Variants in CACNB2 observed in about 807,000 individuals in gnomAD.
The protein encoded by CACNB2 is calcium voltage-gated channel auxiliary subunit beta 2.
A neutral mutation model predicts 73.3 loss-of-function variants in CACNB2; 42 were observed. The ratio of observed to expected loss-of-function variants is 0.57; its 90% CI spans 0.45 to 0.74. The LOEUF (loss-of-function observed/expected upper bound fraction) is 0.74. CACNB2 is among the 30% of genes least tolerant of loss of function. The probability of loss-of-function intolerance (pLI) is 0.00; values close to 1 mark genes in which losing one functional copy is unlikely to be tolerated. For synonymous variants in CACNB2, 348 were observed against 310.3 expected (o/e 1.12, Z -1.28); for missense variants, 940 against 853.0 (o/e 1.10, Z -1.27).
intron 2 of CACNB2, among the ~76,000 whole-genome samples, chr10:18,266,065 G>A (rs567928148): frequency 5.5e-4 from 83 of 152,250 alleles, no homozygotes; most frequent in African/African-American, 1.9e-3. Flanking sequence ...TATATATACC[G>A]TAACTTAAGC....
intron 2 of CACNB2, among the ~76,000 whole-genome samples, chr10:18,185,513 G>T (rs571064772): frequency 6.6e-6 from 1 of 152,320 alleles, no homozygotes; most frequent in East Asian, 1.9e-4. Flanking sequence ...CCCTGGAAAT[G>T]TTGAAAGGAA....
intron 7 of CACNB2, among the ~76,000 whole-genome samples, chr10:18,515,753 CAG>C (rs1476188288): frequency 5.3e-5 from 8 of 152,178 alleles, no homozygotes; most frequent in Admixed American, 2.0e-4. Context: ...AAGTGACTAA[CAG>C]TGTCTATCAT....
chr10:18,523,878 G>A (rs1313418709), intron 9 of CACNB2, among the ~76,000 whole-genome samples: 1 of 152,126 alleles, frequency 6.6e-6, no homozygotes, highest in Non-Finnish European at 1.5e-5. Context: ...AATATGAAAG[G>A]AAATGTTAGT....
At chr10:18,394,535 A>G (rs1386074364) in intron 2 of CACNB2, among the ~76,000 whole-genome samples, 4 of 152,118 alleles carry the variant, frequency 2.6e-5, no homozygotes, top group Non-Finnish European at 5.9e-5. Flanking sequence ...TGTGGATCCA[A>G]TTTGTTATAT....
At chr10:18,496,883 C>G (rs1009998160) in intron 3 of CACNB2, among the ~76,000 whole-genome samples, 4 of 134,616 alleles carry the variant, frequency 3.0e-5, no homozygotes, top group Non-Finnish European at 6.4e-5. Context: ...ACATGAAAAA[C>G]TATGTTACTT....
intron 2 of CACNB2, among the ~76,000 whole-genome samples, chr10:18,320,799 G>C (rs186950092): frequency 1.9e-4 from 29 of 152,270 alleles, no homozygotes; most frequent in Non-Finnish European, 3.7e-4. Context: ...GAATATACTT[G>C]ATTTTCACTT....
At chr10:18,469,337 T>G (rs1253730566) in intron 3 of CACNB2, among the ~76,000 whole-genome samples, 1 of 152,202 alleles carries the variant, frequency 6.6e-6, no homozygotes, top group Non-Finnish European at 1.5e-5. Context: ...TGGGTTGGTT[T>G]TTATCATTCC....
chr10:18,437,707 T>A (rs1305301257), intron 3 of CACNB2, among the ~76,000 whole-genome samples: 3 of 152,210 alleles, frequency 2.0e-5, no homozygotes, highest in Non-Finnish European at 4.4e-5. Flanking sequence ...TATCTGACTA[T>A]CTTTGACAGC....
chr10:18,441,165 G>A (rs921401146), intron 3 of CACNB2, among the ~76,000 whole-genome samples: 16 of 152,170 alleles, frequency 1.1e-4, no homozygotes, highest in Non-Finnish European at 4.4e-5. Flanking sequence ...AGCACTTTGG[G>A]AGGCCAAGGA....
chr10:18,492,171 C>T (rs1010274802), intron 3 of CACNB2, among the ~76,000 whole-genome samples: 1 of 152,110 alleles, frequency 6.6e-6, no homozygotes, highest in African/African-American at 2.4e-5. Context: ...GAAGTCTTAT[C>T]ATGAGAACAG....
chr10:18,258,076 A>G (rs1295196437), intron 2 of CACNB2, among the ~76,000 whole-genome samples: 3 of 152,248 alleles, frequency 2.0e-5, no homozygotes, highest in South Asian at 4.1e-4. Context: ...AGAGGAATAC[A>G]TGGATTGTAT....
intron 2 of CACNB2, among the ~76,000 whole-genome samples, chr10:18,310,475 G>C (rs1325768418): frequency 6.6e-6 from 1 of 150,494 alleles, no homozygotes; most frequent in East Asian, 2.0e-4. Context: ...CGTGGTGGTG[G>C]ATGCCTGTAA....
In CACNB2 at chr10:18,365,444, T is replaced by C. The variant is rs79728434; in HGVS notation, c.214-36480T>C. Among the ~76,000 whole-genome samples, 996 of 152,326 alleles carry C rather than the reference T, an allele frequency of 6.5e-3. 10 individuals carry two copies. Among genetic ancestry groups the C allele is most frequent in the African/African-American group, 0.022 (927 of 41,564 alleles). On this transcript the variant is annotated intron_variant, in intron 2 of 13. Coordinates refer to ENST00000324631, the MANE Select transcript of CACNB2 (RefSeq NM_201596.3). ...AAGCGATTTGGACTCTTACATTCAG[T>C]TTGCCTTCATGTTTTATTCCAAATG...
intron 2 of CACNB2, among the ~76,000 whole-genome samples, chr10:18,357,808 T>A (rs1490414019): frequency 6.6e-6 from 1 of 152,174 alleles, no homozygotes; most frequent in Non-Finnish European, 1.5e-5. Context: ...TCCTAGCCAC[T>A]GTGTACAAGC....
rs1401122407 is a variant in CACNB2 at position 18,340,928 on chromosome 10, T to C, written c.214-60996T>C. ...GGGCGCACTTGGAATTGGTCTAGCA[T>C]GCTTGACAGACGCCTTATAGCTCCT... On this transcript the variant is annotated intron_variant, in intron 2 of 13. Coordinates refer to ENST00000324631, the MANE Select transcript of CACNB2 (RefSeq NM_201596.3). The C allele has an allele frequency of 4.3e-6, 7 of 1,614,070 alleles. No individual in the cohort carries two copies. The highest frequency in any genetic ancestry group is 5.9e-6 in the Non-Finnish European group (7 of 1,180,040).
chr10:18,314,283 A>G (rs978737260), intron 2 of CACNB2, among the ~76,000 whole-genome samples: 10 of 152,202 alleles, frequency 6.6e-5, no homozygotes. Context: ...TCCACCTATC[A>G]AAAAATAATC....
At chr10:18,330,366 G>C (rs2040751996) in intron 2 of CACNB2, among the ~76,000 whole-genome samples, 1 of 152,120 alleles carries the variant, frequency 6.6e-6, no homozygotes, top group Admixed American at 6.5e-5. Context: ...ATAAAAGTTA[G>C]ATGGCCAGGT....
chr10:18,457,821 C>A (rs559786180), intron 3 of CACNB2, among the ~76,000 whole-genome samples: 1 of 151,660 alleles, frequency 6.6e-6, no homozygotes, highest in Non-Finnish European at 1.5e-5. Flanking sequence ...ACCCGGGAGG[C>A]GGAGGTTGTG....
At chr10:18,529,699 CAG>C (rs989471256) in intron 10 of CACNB2, among the ~76,000 whole-genome samples, 5 of 152,178 alleles carry the variant, frequency 3.3e-5, no homozygotes, top group Non-Finnish European at 5.9e-5. Flanking sequence ...GATGACATGA[CAG>C]AGAGAGGCAG....
Sources: gnomAD v4.1 joint callset for allele counts (sites outside exome capture counted in the v4.1 genomes callset) on GRCh38, gnomAD v4.1.1 for gene constraint, MANE v1.5 for transcripts, NCBI Gene and HGNC (gene_info 2026-07-23, HGNC 2026-07-21) for gene names.